The following PALM2AKAP2 variants were observed in gnomAD, a reference collection of about 807,000 sequenced individuals.
PALM2AKAP2 encodes PALM2-AKAP2 fusion protein.
In PALM2AKAP2, 37 loss-of-function variants were observed where a neutral mutation model predicts 71.5. That is an observed-to-expected ratio of 0.52 (90% CI 0.40 to 0.68). The LOEUF (loss-of-function observed/expected upper bound fraction) is 0.68. Among genes scored for constraint, PALM2AKAP2 ranks in the 30% least tolerant of loss-of-function variants. PALM2AKAP2 has a pLI of 0.00. For synonymous variants in PALM2AKAP2, 468 were observed against 478.8 expected, an observed-to-expected ratio of 0.98 and a Z score of 0.29; for missense variants, 1,224 against 1,191.8, an observed-to-expected ratio of 1.03 and a Z score of -0.40.
intron 6 of PALM2AKAP2, among the ~76,000 whole-genome samples, chr9:110,014,328 G>A (rs928942847): frequency 1.3e-5 from 2 of 151,982 alleles, no homozygotes; most frequent in South Asian, 2.1e-4. Context: ...AATACATTAG[G>A]TTATGAGCAC....
intron 6 of PALM2AKAP2, chr9:109,945,756 A>G (rs530295606): frequency 1.3e-5 from 2 of 152,356 alleles, no homozygotes; most frequent in African/African-American, 4.8e-5. Flanking sequence ...GATAAACAGA[A>G]TCAATCTTCC....
chr9:110,096,836 G>A (rs1236267061), intron 1 of PALM2AKAP2, among the ~76,000 whole-genome samples: 4 of 152,096 alleles, frequency 2.6e-5, no homozygotes, highest in Admixed American at 6.5e-5. Flanking sequence ...AAATGCAAAT[G>A]GGAAGGCTAT....
intron 7 of PALM2AKAP2, among the ~76,000 whole-genome samples, chr9:110,042,865 C>T (rs1165653843): frequency 1.3e-5 from 2 of 152,070 alleles, no homozygotes; most frequent in Admixed American, 1.3e-4. Context: ...GTAAATTGGG[C>T]ATCCATCACC....
intron 2 of PALM2AKAP2, among the ~76,000 whole-genome samples, chr9:109,871,466 A>G (rs906945664): frequency 2.0e-5 from 3 of 152,188 alleles, no homozygotes; most frequent in Admixed American, 1.3e-4. Context: ...TTTTATAGCT[A>G]TATTATTTTT....
chr9:109,647,115 T>TTATATATA (rs139881091), intron 1 of PALM2AKAP2, among the ~76,000 whole-genome samples: 1 of 150,816 alleles, frequency 6.6e-6, no homozygotes, highest in Non-Finnish European at 1.5e-5. Flanking sequence ...TTGGAAACAC[T>TTATATATA]TATATATATA....
At chr9:110,064,676 C>G (rs990006896) in intron 1 of PALM2AKAP2, among the ~76,000 whole-genome samples, 2 of 152,198 alleles carry the variant, frequency 1.3e-5, no homozygotes, top group African/African-American at 4.8e-5. Context: ...CTTCATTGTC[C>G]CACCTCTGTC....
At chr9:109,738,189 A>G (rs1284928864) in intron 1 of PALM2AKAP2, among the ~76,000 whole-genome samples, 1 of 152,218 alleles carries the variant, frequency 6.6e-6, no homozygotes, top group South Asian at 2.1e-4. Context: ...AGGTAGAATT[A>G]CTATTCCTCT....
intron 1 of PALM2AKAP2, among the ~76,000 whole-genome samples, chr9:109,834,813 A>G (rs1265450786): frequency 1.3e-5 from 2 of 152,210 alleles, no homozygotes; most frequent in Admixed American, 1.3e-4. Context: ...TAGAGCCACG[A>G]GAATGGACCT....
intron 6 of PALM2AKAP2, among the ~76,000 whole-genome samples, chr9:109,959,416 G>A (rs1006162040): frequency 6.6e-5 from 10 of 151,980 alleles, no homozygotes; most frequent in African/African-American, 2.4e-4. Flanking sequence ...AGGCCGAGGC[G>A]GGCAGATCAC....
At chr9:109,798,795 C>T (rs890741643) in intron 1 of PALM2AKAP2, among the ~76,000 whole-genome samples, 2 of 152,146 alleles carry the variant, frequency 1.3e-5, no homozygotes, top group Admixed American at 6.5e-5. Context: ...TTTGTTTGTG[C>T]CTGAAGGAGC....
chr9:109,728,242 A>AT (rs138795842), intron 1 of PALM2AKAP2, among the ~76,000 whole-genome samples: 6,588 of 152,354 alleles, frequency 0.043, 190 homozygotes, highest in Non-Finnish European at 0.053. Flanking sequence ...TTCATTAAGC[A>AT]TTTCTACGTG....
chr9:110,053,648 C>A (rs1833765302), intron 1 of PALM2AKAP2, among the ~76,000 whole-genome samples: 1 of 152,034 alleles, frequency 6.6e-6, no homozygotes, highest in African/African-American at 2.4e-5. Flanking sequence ...ATAGGCCGTG[C>A]AACTGGAGAA....
intron 7 of PALM2AKAP2, among the ~76,000 whole-genome samples, chr9:110,037,610 A>G (rs1421639952): frequency 6.6e-6 from 1 of 152,234 alleles, no homozygotes; most frequent in Non-Finnish European, 1.5e-5. Context: ...ACACTTCAGT[A>G]GGGTGAGATA....
At chr9:109,965,542 G>A (rs1588036139) in intron 6 of PALM2AKAP2, among the ~76,000 whole-genome samples, 1 of 152,136 alleles carries the variant, frequency 6.6e-6, no homozygotes, top group Non-Finnish European at 1.5e-5. Context: ...AGTCAAATTC[G>A]TAGTGACAGA....
chr9:110,160,332 C>G (rs983495693), intron 3 of PALM2AKAP2, among the ~76,000 whole-genome samples: 1 of 152,166 alleles, frequency 6.6e-6, no homozygotes, highest in Admixed American at 6.5e-5. Flanking sequence ...TGGAAATGTT[C>G]TCTTATGTGG....
At chr9:109,699,766 T>C (rs1241486553) in intron 1 of PALM2AKAP2, among the ~76,000 whole-genome samples, 1 of 124,560 alleles carries the variant, frequency 8.0e-6, no homozygotes, top group Non-Finnish European at 1.6e-5. Flanking sequence ...TCAGCAGCCA[T>C]TACCTTTATT....
At chr9:109,967,932 A>G (rs1416543003) in intron 6 of PALM2AKAP2, among the ~76,000 whole-genome samples, 2 of 152,214 alleles carry the variant, frequency 1.3e-5, no homozygotes, top group Non-Finnish European at 2.9e-5. Flanking sequence ...GTATCTGAGT[A>G]TCTATCTCTC....
At chr9:109,973,520 C>T (rs1832111180) in intron 6 of PALM2AKAP2, among the ~76,000 whole-genome samples, 1 of 152,178 alleles carries the variant, frequency 6.6e-6, no homozygotes, top group Non-Finnish European at 1.5e-5. Flanking sequence ...GCTTATATTC[C>T]ATTGGCCAAG....
At chr9:110,118,861 C>A (rs1459350551) in intron 1 of PALM2AKAP2, among the ~76,000 whole-genome samples, 2 of 152,050 alleles carry the variant, frequency 1.3e-5, no homozygotes, top group Non-Finnish European at 2.9e-5. Flanking sequence ...ACACACATAC[C>A]TACATATATA....
Sources: gnomAD v4.1 joint callset for allele counts (sites outside exome capture counted in the v4.1 genomes callset) on GRCh38, gnomAD v4.1.1 for gene constraint, MANE v1.5 for transcripts, NCBI Gene and HGNC (gene_info 2026-07-23, HGNC 2026-07-21) for gene names.